PKHD1: variants seen among roughly 807,000 people sequenced by gnomAD.
The protein encoded by PKHD1 is PKHD1 ciliary IPT domain containing fibrocystin/polyductin.
Under a neutral mutation model 412.0 loss-of-function variants are expected in PKHD1, and 291 were observed. That is an observed-to-expected ratio of 0.71 (90% CI 0.64 to 0.78). PKHD1 has a LOEUF of 0.78. Among genes scored for constraint, PKHD1 ranks in the 30% least tolerant of loss-of-function variants. The pLI is 0.00. For missense variants in PKHD1, 4,825 were observed against 4,950.7 expected, an observed-to-expected ratio of 0.97 and a Z score of 0.76; for synonymous variants, 1,777 against 1,821.5, an observed-to-expected ratio of 0.98 and a Z score of 0.62.
chr6:51,715,131 T>C (rs1781105675), intron 60 of PKHD1, among the ~76,000 whole-genome samples: 1 of 152,132 alleles, frequency 6.6e-6, no homozygotes, highest in South Asian at 2.1e-4. Flanking sequence ...GCTAGTCTCC[T>C]TTATACTTGT....
At chr6:51,943,314 C>T (rs959772806) in intron 36 of PKHD1, among the ~76,000 whole-genome samples, 4 of 151,302 alleles carry the variant, frequency 2.6e-5, no homozygotes, top group South Asian at 2.1e-4. Flanking sequence ...CCCATTTGAG[C>T]TCCTGTATAA....
At chr6:51,954,115 T>A (rs937872241) in intron 36 of PKHD1, among the ~76,000 whole-genome samples, 10 of 152,094 alleles carry the variant, frequency 6.6e-5, no homozygotes, top group Admixed American at 4.6e-4. Flanking sequence ...TCTCCTGTTA[T>A]CTCTGACAGT....
At chr6:51,635,876 C>CGGGGGGGGGTGG (rs1581768607) in intron 64 of PKHD1, among the ~76,000 whole-genome samples, 1 of 41,504 alleles carries the variant, frequency 2.4e-5, no homozygotes, top group African/African-American at 8.5e-5. Flanking sequence ...GGCGGGGGGC[C>CGGGGGGGGGTGG]GGGGGCGGAT....
At chr6:51,622,704 T>A (rs980342086) in intron 66 of PKHD1, 6 of 152,196 alleles carry the variant, frequency 3.9e-5, no homozygotes, top group Non-Finnish European at 5.9e-5. Context: ...CATTATATCA[T>A]AAGTAATCTG....
intron 55 of PKHD1, among the ~76,000 whole-genome samples, chr6:51,766,623 A>ATTTTTTTTTTTTTTATTTTTT (rs1789076394): frequency 9.3e-5 from 14 of 151,036 alleles, no homozygotes; most frequent in Non-Finnish European, 7.4e-5. Flanking sequence ...TCATATTTTT[A>ATTTTTTTTTTTTTTATTTTTT]TTTTCATTCT....
intron 50 of PKHD1, among the ~76,000 whole-genome samples, chr6:51,844,902 T>C (rs541369727): frequency 1.3e-5 from 2 of 152,336 alleles, no homozygotes; most frequent in South Asian, 4.1e-4. Flanking sequence ...AATTTCTGTA[T>C]ACACACATTT....
At chr6:51,662,222 T>C (rs1772977554) in intron 60 of PKHD1, among the ~76,000 whole-genome samples, 1 of 151,956 alleles carries the variant, frequency 6.6e-6, no homozygotes, top group Admixed American at 6.6e-5. Flanking sequence ...TCCTATATGG[T>C]ACTACCTTAA....
At chr6:51,738,690 TG>T (rs1784168245) in intron 60 of PKHD1, among the ~76,000 whole-genome samples, 1 of 152,208 alleles carries the variant, frequency 6.6e-6, no homozygotes, top group Non-Finnish European at 1.5e-5. Flanking sequence ...AGAAAGAGGC[TG>T]GCTCCTGTCT....
chr6:52,038,886 A>C (rs1446437815), intron 27 of PKHD1, among the ~76,000 whole-genome samples: 1 of 152,194 alleles, frequency 6.6e-6, no homozygotes, highest in African/African-American at 2.4e-5. Context: ...TATAAACTGG[A>C]CTTCAACAAA....
At chr6:51,842,420 A>G (rs1456144511) in intron 50 of PKHD1, among the ~76,000 whole-genome samples, 1 of 152,150 alleles carries the variant, frequency 6.6e-6, no homozygotes, top group East Asian at 1.9e-4. Flanking sequence ...GCCTTTTACC[A>G]ATATAAAAGG....
intron 52 of PKHD1, among the ~76,000 whole-genome samples, chr6:51,803,067 T>C (rs1763188524): frequency 6.6e-6 from 1 of 151,386 alleles, no homozygotes; most frequent in African/African-American, 2.5e-5. Context: ...AATCTCTACT[T>C]TCTATTTTAA....
chr6:51,885,812 T>C, intron 45 of PKHD1, 55 bp downstream of exon 45: 2 of 1,124,958 alleles, frequency 1.8e-6, no homozygotes, highest in Non-Finnish European at 1.3e-6. Context: ...AGAAAACAAG[T>C]GACAGTTTTA....
At chr6:51,819,609 A>G (rs1766043790) in intron 52 of PKHD1, among the ~76,000 whole-genome samples, 1 of 152,154 alleles carries the variant, frequency 6.6e-6, no homozygotes, top group Non-Finnish European at 1.5e-5. Flanking sequence ...CTCCCCAGCT[A>G]GGCAGTATGT....
At chr6:51,629,146 A>C (rs1372159212) in intron 65 of PKHD1, among the ~76,000 whole-genome samples, 1 of 152,152 alleles carries the variant, frequency 6.6e-6, no homozygotes, top group Non-Finnish European at 1.5e-5. Context: ...ATCTGGACAT[A>C]GGCCTTGGCA....
At chr6:51,753,499 T>A in intron 56 of PKHD1, 146 bp from the exon 57 acceptor site, 1 of 718,006 alleles carries the variant, frequency 1.4e-6, no homozygotes, top group African/African-American at 1.8e-5. Context: ...TCCTGGGGCA[T>A]TCTCCACAAA....
In PKHD1 at chr6:52,010,308, C is replaced by T. The variant is rs775638588; in HGVS notation, c.5751+1G>A. 2 of 1,613,234 alleles carry T rather than the reference C, an allele frequency of 1.2e-6. No individual in the cohort carries two copies. The highest frequency in any genetic ancestry group is 3.3e-5 in the Admixed American group (2 of 59,992). On this transcript the variant is annotated splice_donor_variant, in intron 35 of 66. Coordinates refer to ENST00000371117, the MANE Select transcript of PKHD1 (RefSeq NM_138694.4). LOFTEE classifies it high-confidence loss of function. ...AGTCTGTAAAAAAGATTTGATTATACCTGAGTGTTCTGGCCCCAGCGTTTC... is the reference window on the plus strand; with the variant it reads ...AGTCTGTAAAAAAGATTTGATTATATCTGAGTGTTCTGGCCCCAGCGTTTC...
At chr6:51,796,431 A>ATTT (rs1794611267) in intron 52 of PKHD1, among the ~76,000 whole-genome samples, 1 of 61,448 alleles carries the variant, frequency 1.6e-5, no homozygotes, top group Non-Finnish European at 3.6e-5. Context: ...CTATTTAATT[A>ATTT]GTTTTTTTTT....
At chr6:52,073,194 G>T (rs1190660084) in intron 7 of PKHD1, among the ~76,000 whole-genome samples, 1 of 152,168 alleles carries the variant, frequency 6.6e-6, no homozygotes, top group Non-Finnish European at 1.5e-5. Flanking sequence ...AATTCAAAAA[G>T]AAAATCCACA....
At chr6:51,646,644 C>T (rs186485547) in intron 63 of PKHD1, among the ~76,000 whole-genome samples, 82 of 152,218 alleles carry the variant, frequency 5.4e-4, no homozygotes, top group African/African-American at 1.8e-3. Context: ...CTTTTTGCTC[C>T]CAATCCAGTC....
Sources: gnomAD v4.1 joint callset for allele counts (sites outside exome capture counted in the v4.1 genomes callset) on GRCh38, gnomAD v4.1.1 for gene constraint, MANE v1.5 for transcripts, NCBI Gene and HGNC (gene_info 2026-07-23, HGNC 2026-07-21) for gene names.